AAK1: variants seen among roughly 807,000 people sequenced by gnomAD.
AAK1 encodes AP2-associated protein kinase 1.
A neutral mutation model predicts 116.0 loss-of-function variants in AAK1; 37 were observed. That is an observed-to-expected ratio of 0.32 (90% CI 0.25 to 0.42). The LOEUF (loss-of-function observed/expected upper bound fraction) is 0.42. Among genes scored for constraint, AAK1 ranks in the 10% least tolerant of loss-of-function variants. AAK1 has a pLI of 1.00. For synonymous variants in AAK1, 458 were observed against 439.9 expected, an observed-to-expected ratio of 1.04 and a Z score of -0.51; for missense variants, 919 against 1,170.6, an observed-to-expected ratio of 0.79 and a Z score of 3.14.
rs1190498795 is a variant in AAK1 at position 69,471,466 on chromosome 2, C to T, written c.*4403G>A. 2.0e-6 allele frequency: 2 copies of T among 985,276 alleles called. No homozygotes were observed. The highest frequency in any genetic ancestry group is 3.5e-5 in the African/African-American group (2 of 57,218). The allele number at this position is 985,276 out of a possible 1,614,324, so 61.0% of individuals were successfully genotyped here. ...AGCCTTTAGAGAGGAATAAAGATAG[C>T]TTTGCAGTATCTGGAGTGTTTCAGG... On this transcript the variant is annotated 3_prime_UTR_variant, in exon 22 of 22. Coordinates refer to ENST00000409085, the MANE Select transcript of AAK1 (RefSeq NM_014911.5).
intron 2 of AAK1, among the ~76,000 whole-genome samples, chr2:69,631,178 C>T (rs180782113): frequency 5.6e-4 from 86 of 152,268 alleles, no homozygotes; most frequent in African/African-American, 2.1e-3. Flanking sequence ...TCTTCCTGTC[C>T]CCATAGGTAA....
intron 11 of AAK1, 86 bp from the exon 12 acceptor site, chr2:69,519,326 G>A: frequency 6.9e-7 from 1 of 1,452,296 alleles, no homozygotes. Context: ...ACTAATAGGG[G>A]GTGACAAGTG....
intron 2 of AAK1, among the ~76,000 whole-genome samples, chr2:69,612,122 G>A (rs1286248660): frequency 1.6e-4 from 25 of 152,296 alleles, no homozygotes; most frequent in Non-Finnish European, 2.4e-4. Flanking sequence ...TTGTGCACAT[G>A]TACCCTAGAA....
At position 69,482,819 on chromosome 2, in the gene AAK1, T is replaced by C. The variant is rs1019224230; in HGVS notation, c.2366-7A>G. On this transcript the variant is annotated splice_polypyrimidine_tract_variant and splice_region_variant and intron_variant, in intron 17 of 21. Coordinates refer to ENST00000409085, the MANE Select transcript of AAK1 (RefSeq NM_014911.5). Reference sequence around the variant, plus strand: ...AGTCCCTCAATTAGTTTTTCTACGTTGGGCAGAGAGACAAAAAGAAAGCAA... The same window carrying C: ...AGTCCCTCAATTAGTTTTTCTACGTCGGGCAGAGAGACAAAAAGAAAGCAA... The C allele has an allele frequency of 6.3e-7, 1 of 1,588,814 alleles. No individual in the cohort carries two copies. Among genetic ancestry groups the C allele is most frequent in the Non-Finnish European group, 8.6e-7 (1 of 1,157,410 alleles).
At chr2:69,512,125 G>T (rs1381325598) in intron 13 of AAK1, among the ~76,000 whole-genome samples, 1 of 152,168 alleles carries the variant, frequency 6.6e-6, no homozygotes, top group Non-Finnish European at 1.5e-5. Context: ...ATCCAAACAG[G>T]ATTGGAAAGT....
chr2:69,527,181 A>T (rs370096305), intron 9 of AAK1, 35 bp downstream of exon 9: 53 of 1,472,556 alleles, frequency 3.6e-5, no homozygotes, highest in Middle Eastern at 3.4e-4. Flanking sequence ...CAATTTGATA[A>T]TGTTTACTCC....
At chr2:69,477,214 G>A (rs886464920) in intron 20 of AAK1, among the ~76,000 whole-genome samples, 1 of 152,014 alleles carries the variant, frequency 6.6e-6, no homozygotes, top group African/African-American at 2.4e-5. Flanking sequence ...TAATGATTAG[G>A]GAAAAGGGTT....
chr2:69,493,054 A>C (rs571239406), intron 17 of AAK1, among the ~76,000 whole-genome samples: 24 of 150,858 alleles, frequency 1.6e-4, no homozygotes, highest in Non-Finnish European at 2.4e-4. Flanking sequence ...AGGATGCAGT[A>C]AGGCTGAGGC....
intron 2 of AAK1, among the ~76,000 whole-genome samples, chr2:69,568,392 G>A (rs1012903993): frequency 1.3e-5 from 2 of 150,938 alleles, no homozygotes; most frequent in Admixed American, 6.6e-5. Context: ...TATGGAATAC[G>A]CACTGGCATC....
chr2:69,489,872 A>G (rs1451410962), intron 17 of AAK1, among the ~76,000 whole-genome samples: 5 of 152,226 alleles, frequency 3.3e-5, no homozygotes, highest in African/African-American at 1.2e-4. Flanking sequence ...ATCTGCAGAA[A>G]GATAAGCTTT....
chr2:69,499,541 C>T (rs1213434555), intron 16 of AAK1, among the ~76,000 whole-genome samples: 2 of 152,182 alleles, frequency 1.3e-5, no homozygotes, highest in Non-Finnish European at 2.9e-5. Context: ...CCTCCTCATT[C>T]TACTCCTTTG....
chr2:69,639,638 G>A (rs1039228477), intron 2 of AAK1, among the ~76,000 whole-genome samples: 1 of 152,044 alleles, frequency 6.6e-6, no homozygotes, highest in African/African-American at 2.4e-5. Flanking sequence ...AATTCCTTAT[G>A]AAAAAGCACA....
At chr2:69,586,515 T>C (rs1159933553) in intron 2 of AAK1, among the ~76,000 whole-genome samples, 1 of 152,230 alleles carries the variant, frequency 6.6e-6, no homozygotes, top group Non-Finnish European at 1.5e-5. Flanking sequence ...TGGCTCTGCA[T>C]TAACCAGCTA....
At position 69,473,965 on chromosome 2, in the gene AAK1, C is replaced by T; in HGVS notation, c.*1904G>A. ...TTGCTTTTTAATCCTCGGCAGGAAG[C>T]TTGTGCCTCTCTCAGTTTTGGAAAT... On this transcript the variant is annotated 3_prime_UTR_variant, in exon 22 of 22. Transcript: ENST00000409085. 1.0e-6 allele frequency: 1 copy of T among 985,808 alleles called. No homozygotes were observed. The allele number at this position is 985,808 out of a possible 1,614,324, so 61.1% of individuals were successfully genotyped here. A position where few individuals can be genotyped will look rare whatever the true frequency, so the allele number is the denominator to read the frequency against.
At position 69,519,212 on chromosome 2, in the gene AAK1, G is replaced by T. The variant is rs761475249; in HGVS notation, c.1239C>A (p.Ala413=). The T allele has an allele frequency of 8.2e-6, 13 of 1,587,126 alleles. No individual in the cohort carries two copies. Among genetic ancestry groups the T allele is most frequent in the Non-Finnish European group, 1.0e-5 (12 of 1,166,686 alleles). The change falls in exon 12 of 22, where the codon GCC becomes GCA. Residue 413 remains alanine, a synonymous_variant. Transcript: ENST00000409085. ...AGSSNQPGLL[A]SVPQPKPQAP... is the part of the protein sequence containing the mutation. ...CTTGGGGTTTTGGTTGGGGAACACT[G>T]GCTAAAAGGCCAGGCTGATTGCTGG...
At chr2:69,482,423 CA>C (rs1558897081) in intron 18 of AAK1, 2 of 590,610 alleles carry the variant, frequency 3.4e-6, no homozygotes, top group African/African-American at 3.8e-5. Flanking sequence ...AGTTAGAAAC[CA>C]ATTTTTTAAA....
At chr2:69,551,171 T>G (rs989536325) in intron 3 of AAK1, among the ~76,000 whole-genome samples, 1 of 152,094 alleles carries the variant, frequency 6.6e-6, no homozygotes, top group Non-Finnish European at 1.5e-5. Flanking sequence ...GTGTTCTCAC[T>G]TATAAATGGG....
At position 69,514,618 on chromosome 2, in the gene AAK1, TTGC is replaced by T. The variant is rs1467272061; in HGVS notation, c.1626_1628del (p.Gln546del). 6.3e-7 allele frequency: 1 copy of T among 1,578,648 alleles called. No homozygotes were observed. Among genetic ancestry groups the T allele is most frequent in the Non-Finnish European group, 8.6e-7 (1 of 1,162,204 alleles). On this transcript the variant is annotated inframe_deletion, in exon 13 of 22. Transcript: ENST00000409085. Reference sequence around the variant, plus strand: ...GCAGGGCTGTGGCCAGCTGTTGCTGTTGCTGTTGTTGTTGCTGCTGCTGCTGCT... The same window carrying T: ...GCAGGGCTGTGGCCAGCTGTTGCTGTTGTTGTTGTTGCTGCTGCTGCTGCT...
chr2:69,570,237 A>G (rs1310316171), intron 2 of AAK1, among the ~76,000 whole-genome samples: 1 of 151,716 alleles, frequency 6.6e-6, no homozygotes, highest in Non-Finnish European at 1.5e-5. Flanking sequence ...TTGCTGCTTT[A>G]TTCTCAGGAG....
Sources: allele counts gnomAD v4.1 joint callset (sites outside exome capture counted in the v4.1 genomes callset), GRCh38; gene constraint gnomAD v4.1.1; transcripts MANE v1.5; gene names NCBI Gene and HGNC (gene_info 2026-07-23, HGNC 2026-07-21).